CCDC192: variants seen among roughly 807,000 people sequenced by gnomAD.
CCDC192 encodes coiled-coil domain containing 192.
At chr5:127,939,874 A>G (rs1378889966) in intron 6 of CCDC192, among the ~76,000 whole-genome samples, 1 of 152,214 alleles carries the variant, frequency 6.6e-6, no homozygotes, top group Non-Finnish European at 1.5e-5. Flanking sequence ...GTAACAATCT[A>G]CCGTGGAGAC....
chr5:127,805,765 C>T (rs1757748146), intron 5 of CCDC192, among the ~76,000 whole-genome samples: 2 of 152,094 alleles, frequency 1.3e-5, no homozygotes, highest in African/African-American at 4.8e-5. Flanking sequence ...AAAATGAGCC[C>T]CTCTCTGTAT....
chr5:127,784,091 C>T (rs1381061078), intron 3 of CCDC192, among the ~76,000 whole-genome samples: 1 of 152,158 alleles, frequency 6.6e-6, no homozygotes, highest in Non-Finnish European at 1.5e-5. Context: ...TTCTGTTGTT[C>T]TGTATCTTTT....
intron 4 of CCDC192, among the ~76,000 whole-genome samples, chr5:127,797,771 ATATATATT>A (rs1291834774): frequency 0.017 from 442 of 26,500 alleles, 1 homozygote; most frequent in Non-Finnish European, 0.036. Context: ...ATATATATAT[ATATATATT>A]TATTTATTTA....
At chr5:127,797,401 T>A (rs753743713) in intron 4 of CCDC192, among the ~76,000 whole-genome samples, 167 bp downstream of exon 4, 6 of 152,156 alleles carry the variant, frequency 3.9e-5, no homozygotes, top group Non-Finnish European at 1.5e-5. Context: ...CCCTGGCAAA[T>A]ATTGAGATAA....
chr5:127,779,854 C>A (rs1006837020), intron 3 of CCDC192, among the ~76,000 whole-genome samples: 1 of 151,906 alleles, frequency 6.6e-6, no homozygotes, highest in Non-Finnish European at 1.5e-5. Context: ...TACACTGCAC[C>A]CTATTTGTAA....
At chr5:127,774,189 T>C (rs867239135) in intron 3 of CCDC192, among the ~76,000 whole-genome samples, 7 of 152,202 alleles carry the variant, frequency 4.6e-5, no homozygotes, top group Middle Eastern at 3.2e-3. Flanking sequence ...TTTGCAAATA[T>C]TTTCTCACAT....
At chr5:127,889,318 A>G (rs964275732) in intron 6 of CCDC192, among the ~76,000 whole-genome samples, 2 of 152,190 alleles carry the variant, frequency 1.3e-5, no homozygotes, top group African/African-American at 2.4e-5. Context: ...ATCTAAGGCA[A>G]TAAATAAGTA....
intron 5 of CCDC192, among the ~76,000 whole-genome samples, chr5:127,844,762 C>T (rs1750454735): frequency 6.6e-6 from 1 of 152,172 alleles, no homozygotes; most frequent in African/African-American, 2.4e-5. Flanking sequence ...AGTGCCCTGT[C>T]TTTGCTCTTT....
At chr5:127,752,379 G>A (rs999627714) in intron 2 of CCDC192, among the ~76,000 whole-genome samples, 1 of 152,168 alleles carries the variant, frequency 6.6e-6, no homozygotes, top group Non-Finnish European at 1.5e-5. Context: ...GCCGTGTGAG[G>A]TGTCAGTGTG....
At chr5:127,846,718 C>A (rs1424483301) in intron 5 of CCDC192, among the ~76,000 whole-genome samples, 1 of 151,708 alleles carries the variant, frequency 6.6e-6, no homozygotes, top group East Asian at 1.9e-4. Context: ...GATCCACCCA[C>A]CTCAGCCTCC....
At chr5:127,767,384 C>T (rs139524534) in intron 3 of CCDC192, among the ~76,000 whole-genome samples, 65 of 152,202 alleles carry the variant, frequency 4.3e-4, no homozygotes, top group Non-Finnish European at 8.1e-4. Flanking sequence ...GAGGACTTAA[C>T]GTTGAAATAA....
intron 2 of CCDC192, among the ~76,000 whole-genome samples, chr5:127,730,433 T>C (rs1483081215): frequency 6.6e-6 from 1 of 152,184 alleles, no homozygotes; most frequent in Non-Finnish European, 1.5e-5. Flanking sequence ...AGCTAAATTC[T>C]ACCAGAGGTA....
chr5:127,781,576 C>CTTTT (rs1223496970), intron 3 of CCDC192, among the ~76,000 whole-genome samples: 3 of 124,166 alleles, frequency 2.4e-5, no homozygotes, highest in Non-Finnish European at 1.8e-5. Context: ...CTAAGTATTC[C>CTTTT]TTTTTTTTTT....
intron 2 of CCDC192, among the ~76,000 whole-genome samples, chr5:127,747,582 T>C (rs1286123528): frequency 2.0e-5 from 3 of 151,820 alleles, no homozygotes; most frequent in Admixed American, 6.5e-5. Flanking sequence ...TGCATGTGTC[T>C]TTATAGCAGC....
At chr5:127,734,936 A>T (rs1212268348) in intron 2 of CCDC192, among the ~76,000 whole-genome samples, 1 of 148,938 alleles carries the variant, frequency 6.7e-6, no homozygotes, top group African/African-American at 2.5e-5. Flanking sequence ...GTTTAATTAG[A>T]TCCCATTTGT....
At chr5:127,890,783 A>G (rs13173755) in intron 6 of CCDC192, among the ~76,000 whole-genome samples, 55,520 of 152,022 alleles carry the variant, frequency 0.37, 10,803 homozygotes, top group Non-Finnish European at 0.44. Flanking sequence ...TTTATTTCTT[A>G]AAACTTTCTT....
chr5:127,753,558 T>C (rs1754372701), intron 2 of CCDC192, among the ~76,000 whole-genome samples: 1 of 151,926 alleles, frequency 6.6e-6, no homozygotes, highest in African/African-American at 2.4e-5. Context: ...TATCCAGGCA[T>C]GGTGGCGCGT....
intron 6 of CCDC192, among the ~76,000 whole-genome samples, chr5:127,884,864 A>G (rs1294865551): frequency 6.6e-6 from 1 of 152,088 alleles, no homozygotes; most frequent in Non-Finnish European, 1.5e-5. Flanking sequence ...TACACTACTT[A>G]TTTAGGTCCT....
chr5:127,710,757 A>G (rs1421431151), intron 2 of CCDC192, among the ~76,000 whole-genome samples: 4 of 152,278 alleles, frequency 2.6e-5, no homozygotes, highest in South Asian at 2.1e-4. Context: ...TGTTATAATT[A>G]CCAATTTAGA....
Sources: allele counts gnomAD v4.1 joint callset (sites outside exome capture counted in the v4.1 genomes callset), GRCh38; gene constraint gnomAD v4.1.1; transcripts MANE v1.5; gene names NCBI Gene and HGNC (gene_info 2026-07-23, HGNC 2026-07-21).